The following ZCCHC14 variants were observed in gnomAD, a reference collection of about 807,000 sequenced individuals.
ZCCHC14 encodes the protein zinc finger CCHC domain-containing protein 14.
In ZCCHC14, 16 loss-of-function variants were observed where a neutral mutation model predicts 85.0. The observed-to-expected ratio is 0.19, with a 90% CI of 0.13 to 0.29. The LOEUF is 0.29. ZCCHC14 is among the 10% of genes least tolerant of loss of function. ZCCHC14 has a pLI of 1.00. For missense variants in ZCCHC14, 1,303 were observed against 1,443.5 expected, an observed-to-expected ratio of 0.90 and a Z score of 1.58; for synonymous variants, 775 against 630.7, an observed-to-expected ratio of 1.23 and a Z score of -3.43.
At chr16:87,458,719 G>C (rs552960900) in intron 2 of ZCCHC14, among the ~76,000 whole-genome samples, 20 of 152,294 alleles carry the variant, frequency 1.3e-4, no homozygotes, top group Non-Finnish European at 2.5e-4. Context: ...GGGGCGGTTG[G>C]GGGAGAGCGC....
Position 87,491,618 on chromosome 16 carries a change from G to GTTGGGGATGCAGA in ZCCHC14, c.570+38_570+50dup, listed in dbSNP as rs1912773052. 7.4e-7 allele frequency: 1 copy of GTTGGGGATGCAGA among 1,353,636 alleles called. No homozygotes were observed. Among genetic ancestry groups the GTTGGGGATGCAGA allele is most frequent in the Non-Finnish European group, 9.5e-7 (1 of 1,055,092 alleles). 83.9% of individuals were successfully genotyped at this position (1,353,636 alleles called of 1,614,324 possible). A position where few individuals can be genotyped will look rare whatever the true frequency, so the allele number is the denominator to read the frequency against. ...GCAGGCTGGAGGCTTGGAGTGCAGA[G>GTTGGGGATGCAGA]TTGGGGATGCAGACTTGGGGTACAG... On this transcript the variant is annotated intron_variant, in intron 1 of 12. Coordinates refer to ENST00000671377, the MANE Select transcript of ZCCHC14 (RefSeq NM_015144.3). This position sits in a 1 kb window ranked among gnomAD's most constrained non-coding sequence, Gnocchi z 5.9.
chr16:87,428,328 GA>G (rs1314201359), intron 3 of ZCCHC14, among the ~76,000 whole-genome samples: 1 of 152,206 alleles, frequency 6.6e-6, no homozygotes, highest in East Asian at 1.9e-4. Flanking sequence ...AAAGTTTTTA[GA>G]AAAAAACGTT....
Position 87,413,060 on chromosome 16 carries a change from T to G in ZCCHC14, c.1739A>C (p.Asp580Ala). 6.2e-7 allele frequency: 1 copy of G among 1,614,136 alleles called. No homozygotes were observed. Among genetic ancestry groups the G allele is most frequent in the Non-Finnish European group, 8.5e-7 (1 of 1,180,010 alleles). The change falls in exon 11 of 13, where the codon GAC becomes GCC. Residue 580 changes from aspartate (D) to alanine (A), a missense_variant. Physicochemically the swap from Asp to Ala is moderately radical, Grantham distance 126. Transcript: ENST00000671377. Reference protein sequence around the residue: ...EESSDSAEENDRRVEIHLESS... With the variant: ...EESSDSAEENARRVEIHLESS... ...CGCCGCGCACGTGCCCTTACGTCTG[T>G]CATTCTCCTCAGCGCTGTCGGAGCT...
intron 1 of ZCCHC14, among the ~76,000 whole-genome samples, chr16:87,474,628 T>C (rs1911920850): frequency 6.6e-6 from 1 of 151,892 alleles, no homozygotes; most frequent in Admixed American, 6.6e-5. Flanking sequence ...ACTGCACGGG[T>C]TTCTTGTCCT....
At chr16:87,453,915 A>G (rs903882398) in intron 2 of ZCCHC14, among the ~76,000 whole-genome samples, 1 of 152,242 alleles carries the variant, frequency 6.6e-6, no homozygotes, top group Non-Finnish European at 1.5e-5. Flanking sequence ...TGTAAAAACA[A>G]AAATGCCCAC....
chr16:87,447,521 G>A (rs906418599), intron 2 of ZCCHC14, among the ~76,000 whole-genome samples: 4 of 152,268 alleles, frequency 2.6e-5, no homozygotes, highest in East Asian at 1.9e-4. Context: ...TTGAGATTCC[G>A]ATGTGGTTAC....
chr16:87,474,915 G>A (rs1273111341), intron 1 of ZCCHC14, among the ~76,000 whole-genome samples: 1 of 152,194 alleles, frequency 6.6e-6, no homozygotes, highest in African/African-American at 2.4e-5. Context: ...TGATAACACA[G>A]GAAGAGTATC....
chr16:87,449,736 G>A (rs1910606019), intron 2 of ZCCHC14, among the ~76,000 whole-genome samples: 1 of 152,152 alleles, frequency 6.6e-6, no homozygotes, highest in Non-Finnish European at 1.5e-5. Flanking sequence ...ATGGTAGAGG[G>A]GAGAGTTTAA....
intron 2 of ZCCHC14, among the ~76,000 whole-genome samples, chr16:87,452,758 C>T (rs1180427942): frequency 1.3e-5 from 2 of 151,286 alleles, no homozygotes; most frequent in African/African-American, 4.8e-5. Flanking sequence ...ACCTACCCTG[C>T]TTGTCAGCTG....
intron 1 of ZCCHC14, chr16:87,472,045 A>T: frequency 6.6e-6 from 1 of 152,216 alleles, no homozygotes; most frequent in African/African-American, 2.4e-5. Flanking sequence ...AAAAAAAACA[A>T]CTTTATGCAA....
chr16:87,412,208 C>T lies in ZCCHC14; in HGVS notation c.2513G>A (p.Cys838Tyr), dbSNP rs761695444. Residue 838 changes from cysteine (C) to tyrosine (Y), a missense_variant, in exon 12 of 13, where the codon TGT becomes TAT. By Grantham distance (194) the Cys-to-Tyr change is radical. Around this residue, in one of 7 missense-constraint regions of ZCCHC14, gnomAD observed 797 missense variants for 730.8 expected, o/e 1.09. Coordinates refer to ENST00000671377, the MANE Select transcript of ZCCHC14 (RefSeq NM_015144.3). ...GGGAGAGGCAGTGTTGCTGTTTGCA[C>T]AGAAGCCACCCTGCAGGGGGCCCAC... ...MPVGPLQGGFCANSNTASPSS... is the reference protein window; with the variant it reads ...MPVGPLQGGFYANSNTASPSS... 1 of 1,614,000 alleles carries T rather than the reference C, an allele frequency of 6.2e-7. No individual in the cohort carries two copies. Among genetic ancestry groups the T allele is most frequent in the Non-Finnish European group, 8.5e-7 (1 of 1,180,044 alleles).
chr16:87,451,245 G>A (rs1051288966), intron 2 of ZCCHC14, among the ~76,000 whole-genome samples: 2 of 148,482 alleles, frequency 1.3e-5, no homozygotes, highest in African/African-American at 5.0e-5. Context: ...TGCCCAGGCT[G>A]GAATGCAATG....
chr16:87,480,085 G>A (rs1417027284), intron 1 of ZCCHC14, among the ~76,000 whole-genome samples: 1 of 151,818 alleles, frequency 6.6e-6, no homozygotes, highest in Non-Finnish European at 1.5e-5. Flanking sequence ...TTGCATGCCA[G>A]CTTTTGAAAA....
At chr16:87,415,398 C>A in intron 8 of ZCCHC14, 31 bp from the exon 9 acceptor site, 11 of 1,590,028 alleles carry the variant, frequency 6.9e-6, no homozygotes, top group Non-Finnish European at 9.5e-6. Flanking sequence ...TACAAAGTTA[C>A]GGAGACATAA....
chr16:87,487,197 CCA>C (rs1360308937), intron 1 of ZCCHC14, among the ~76,000 whole-genome samples: 1 of 152,188 alleles, frequency 6.6e-6, no homozygotes, highest in East Asian at 1.9e-4. Flanking sequence ...ACAATGCAAG[CCA>C]CAGAGAGTTC....
intron 1 of ZCCHC14, among the ~76,000 whole-genome samples, chr16:87,466,273 T>C (rs1210648168): frequency 6.6e-6 from 1 of 152,230 alleles, no homozygotes; most frequent in Non-Finnish European, 1.5e-5. Flanking sequence ...AATTAATTTC[T>C]AAAAATCTAT....
At chr16:87,435,269 G>A (rs1204548014) in intron 2 of ZCCHC14, among the ~76,000 whole-genome samples, 2 of 152,178 alleles carry the variant, frequency 1.3e-5, no homozygotes, top group Non-Finnish European at 1.5e-5. Flanking sequence ...AATTAAGAAG[G>A]AATAAAATTA....
At position 87,420,765 on chromosome 16, in the gene ZCCHC14, CCAG is replaced by C; in HGVS notation, c.841-52_841-50del. The stretch of plus-strand genomic sequence containing the variant: ...GAGGTGTGTCCAGACCCATCCAACA[CCAG>C]CAGAATTCTGCTACTGCAGGAAAAC... On this transcript the variant is annotated intron_variant, in intron 4 of 12. Coordinates refer to ENST00000671377, the MANE Select transcript of ZCCHC14 (RefSeq NM_015144.3). This position sits in a 1 kb window ranked among gnomAD's most constrained non-coding sequence, Gnocchi z 5.0. 1 of 1,496,008 alleles carries C rather than the reference CCAG, an allele frequency of 6.7e-7. No individual in the cohort carries two copies. The highest frequency in any genetic ancestry group is 9.1e-7 in the Non-Finnish European group (1 of 1,101,508). 92.7% of individuals were successfully genotyped at this position (1,496,008 alleles called of 1,614,324 possible). A position where few individuals can be genotyped will look rare whatever the true frequency, so the allele number is the denominator to read the frequency against.
In ZCCHC14 at chr16:87,407,889, A is replaced by G. The variant is rs557712149; in HGVS notation, c.*2391T>C. The G allele has an allele frequency of 9.2e-5, 14 of 152,818 alleles. No homozygotes were observed. In the South Asian group the frequency reaches 2.7e-3, roughly 29 times the overall value. The allele number at this position is 152,818 out of a possible 1,614,324, so 9.5% of individuals were successfully genotyped here. On this transcript the variant is annotated 3_prime_UTR_variant, in exon 13 of 13. Transcript: ENST00000671377. ...CAAGTGTGCGGCTCCCTCCGGAAAG[A>G]GGCCTCACGGATGGGTGGTTCCATT...
Sources: allele counts gnomAD v4.1 joint callset (sites outside exome capture counted in the v4.1 genomes callset), GRCh38; gene constraint gnomAD v4.1.1; regional missense constraint gnomAD v4.1.1; non-coding constraint Gnocchi (gnomAD v3.1); transcripts MANE v1.5; gene names NCBI Gene and HGNC (gene_info 2026-07-23, HGNC 2026-07-21).